The following APBA2 variants were observed in gnomAD, a reference collection of about 807,000 sequenced individuals.
APBA2 encodes the protein amyloid-beta A4 precursor protein-binding family A member 2.
APBA2 carries 30 observed loss-of-function variants against 75.0 expected under a neutral mutation model. The ratio of observed to expected loss-of-function variants is 0.40; its 90% CI spans 0.30 to 0.54. APBA2 has a LOEUF of 0.54. Among genes scored for constraint, APBA2 ranks in the 20% least tolerant of loss-of-function variants. The probability of loss-of-function intolerance (pLI) is 0.49; values close to 1 mark genes in which losing one functional copy is unlikely to be tolerated. For missense variants in APBA2, 801 were observed against 1,016.1 expected (o/e 0.79, Z 2.88); for synonymous variants, 444 against 409.6 (o/e 1.08, Z -1.01).
At chr15:29,091,705 G>A (rs1020666333) in intron 6 of APBA2, among the ~76,000 whole-genome samples, 7 of 152,232 alleles carry the variant, frequency 4.6e-5, no homozygotes, top group African/African-American at 7.2e-5. Context: ...GATACTGGGC[G>A]GATGTTATTG....
chr15:29,045,151 C>T (rs542434953), intron 3 of APBA2, among the ~76,000 whole-genome samples: 148 of 148,664 alleles, frequency 1.0e-3, no homozygotes, highest in African/African-American at 3.4e-3. Context: ...GATCTCGGCT[C>T]ACTGCAACCT....
intron 2 of APBA2, among the ~76,000 whole-genome samples, chr15:28,927,100 T>G (rs1284479355): frequency 1.2e-4 from 19 of 152,016 alleles, no homozygotes. Context: ...TCAAATCATC[T>G]GCCTGCCTCA....
At chr15:29,079,184 C>T (rs1205889818) in intron 6 of APBA2, among the ~76,000 whole-genome samples, 1 of 151,858 alleles carries the variant, frequency 6.6e-6, no homozygotes, top group African/African-American at 2.4e-5. Context: ...GAGCATGAGG[C>T]TCTTAGACCA....
At chr15:28,972,071 A>T (rs1192443036) in intron 2 of APBA2, among the ~76,000 whole-genome samples, 1 of 152,204 alleles carries the variant, frequency 6.6e-6, no homozygotes, top group Non-Finnish European at 1.5e-5. Context: ...AGAGCTAATT[A>T]AGGAAAGCAA....
intron 3 of APBA2, among the ~76,000 whole-genome samples, chr15:29,048,540 C>T (rs181128103): frequency 1.4e-4 from 22 of 152,228 alleles, no homozygotes; most frequent in African/African-American, 5.1e-4. Context: ...TTAAAATATG[C>T]TCTAAATTCA....
intron 10 of APBA2, among the ~76,000 whole-genome samples, chr15:29,103,939 C>T (rs1240027160): frequency 6.6e-6 from 1 of 152,226 alleles, no homozygotes; most frequent in Non-Finnish European, 1.5e-5. Context: ...TGGCGGTCCC[C>T]GGGCGTCGCG....
In APBA2 at chr15:29,076,113, T is replaced by C. The variant is rs2279496; in HGVS notation, c.1069+22T>C. On this transcript the variant is annotated intron_variant, in intron 6 of 14. Coordinates refer to ENST00000683413, the MANE Select transcript of APBA2 (RefSeq NM_001353788.2). ...GCTGGTAAGTGACTTTGAATTTTAT[T>C]TCTCAAGGGGCAGTTGCATTTTACA... 0.021 allele frequency: 34,184 copies of C among 1,612,806 alleles called. 2,028 individuals are homozygous for C. In the African/African-American group the frequency reaches 0.21, roughly 10 times the overall value.
chr15:28,943,169 G>C (rs924594857), intron 2 of APBA2, among the ~76,000 whole-genome samples: 1 of 152,158 alleles, frequency 6.6e-6, no homozygotes, highest in Non-Finnish European at 1.5e-5. Flanking sequence ...ACTGATTTCT[G>C]GCCAGTCAGG....
intron 1 of APBA2, among the ~76,000 whole-genome samples, chr15:28,907,706 T>C (rs2033202420): frequency 6.6e-6 from 1 of 152,188 alleles, no homozygotes. Context: ...ATCATAGATA[T>C]GACTCCGAAT....
At chr15:28,925,066 G>T (rs2034187046) in intron 2 of APBA2, among the ~76,000 whole-genome samples, 1 of 152,032 alleles carries the variant, frequency 6.6e-6, no homozygotes, top group African/African-American at 2.4e-5. Flanking sequence ...CTCATTTAGT[G>T]AGTGGTTTTT....
At chr15:28,958,067 A>G (rs2152732931) in intron 2 of APBA2, among the ~76,000 whole-genome samples, 1 of 152,198 alleles carries the variant, frequency 6.6e-6, no homozygotes, top group South Asian at 2.1e-4. Flanking sequence ...GCCCAGTAGT[A>G]TTTTCGATGC....
intron 3 of APBA2, among the ~76,000 whole-genome samples, chr15:29,013,198 A>G (rs2152817769): frequency 6.6e-6 from 1 of 151,144 alleles, no homozygotes; most frequent in African/African-American, 2.4e-5. Flanking sequence ...GTATTTTAAT[A>G]TCTGATGCTT....
At chr15:28,973,229 T>C (rs2037163388) in intron 2 of APBA2, among the ~76,000 whole-genome samples, 1 of 152,226 alleles carries the variant, frequency 6.6e-6, no homozygotes, top group African/African-American at 2.4e-5. Context: ...CTTGGATTTC[T>C]TCAATTCTGT....
rs138433102 is a variant in APBA2, at chr15:29,064,635, T to G, written c.951+9800T>G. 7.2e-5 allele frequency among the ~76,000 whole-genome samples: 11 copies of G among 151,996 alleles called. 1 individual carries two copies. The highest frequency in any genetic ancestry group is 6.2e-4 in the South Asian group (3 of 4,816). On this transcript the variant is annotated intron_variant, in intron 4 of 14. Transcript: ENST00000683413. ...TAGAGGTGTGTGGGTGTCCTCAGCA[T>G]GGAAGGGGCTGGAATCGTGATGTGG...
At position 28,970,888 on chromosome 15, in the gene APBA2, G is replaced by C. The variant is rs144137690; in HGVS notation, c.-94-24865G>C. Among the ~76,000 whole-genome samples the C allele has an allele frequency of 8.5e-5, 13 of 152,172 alleles. No individual in the cohort carries two copies. In the East Asian group the frequency reaches 2.5e-3, roughly 29 times the overall value. ...GCCGCTCTTTGCCATGCACACACCCGTATGTGTGCCCATGTGTGTGCACAC... is the reference window on the plus strand; with the variant it reads ...GCCGCTCTTTGCCATGCACACACCCCTATGTGTGCCCATGTGTGTGCACAC... On this transcript the variant is annotated intron_variant, in intron 2 of 14. Coordinates refer to ENST00000683413, the MANE Select transcript of APBA2 (RefSeq NM_001353788.2).
At chr15:28,927,815 T>A (rs2034353130) in intron 2 of APBA2, among the ~76,000 whole-genome samples, 1 of 152,066 alleles carries the variant, frequency 6.6e-6, no homozygotes, top group Non-Finnish European at 1.5e-5. Context: ...GCCATGTTGA[T>A]GAGCCCGTCA....
At chr15:29,031,949 C>A (rs1017402617) in intron 3 of APBA2, among the ~76,000 whole-genome samples, 1 of 152,190 alleles carries the variant, frequency 6.6e-6, no homozygotes, top group Non-Finnish European at 1.5e-5. Context: ...TGTCTTGATA[C>A]TGAGAAAAGG....
At chr15:29,081,936 C>G (rs977603044) in intron 6 of APBA2, among the ~76,000 whole-genome samples, 1 of 152,212 alleles carries the variant, frequency 6.6e-6, no homozygotes, top group African/African-American at 2.4e-5. Flanking sequence ...CACAGCAACT[C>G]TGATAGACAC....
intron 3 of APBA2, among the ~76,000 whole-genome samples, chr15:29,023,203 T>TCTAGGTAGGGTAACCAGCCCCAGA (rs2040037968): frequency 6.6e-6 from 1 of 152,168 alleles, no homozygotes; most frequent in Non-Finnish European, 1.5e-5. Context: ...TGTTTGTACT[T>TCTAGGTAGGGTAACCAGCCCCAGA]CTAGGTAGGG....
Sources: allele counts gnomAD v4.1 joint callset (sites outside exome capture counted in the v4.1 genomes callset), GRCh38; gene constraint gnomAD v4.1.1; transcripts MANE v1.5; gene names NCBI Gene and HGNC (gene_info 2026-07-23, HGNC 2026-07-21).